Variants in FHDC1 observed in about 807,000 individuals in gnomAD.
FHDC1 encodes FH2 domain-containing protein 1.
Under a neutral mutation model 52.6 loss-of-function variants are expected in FHDC1, and 25 were observed. The observed-to-expected ratio is 0.48, with a 90% confidence interval of 0.35 to 0.66. The LOEUF (loss-of-function observed/expected upper bound fraction) is 0.66, where lower values mean the gene tolerates loss of function less well. FHDC1 is among the 30% of genes least tolerant of loss of function. The probability of loss-of-function intolerance (pLI) is 0.01; values close to 1 mark genes in which losing one functional copy is unlikely to be tolerated. For missense variants in FHDC1, 1,459 were observed against 1,452.8 expected, an observed-to-expected ratio of 1.00 and a Z score of -0.07; for synonymous variants, 616 against 581.5, an observed-to-expected ratio of 1.06 and a Z score of -0.85.
At chr4:152,938,686 C>G (rs1328058739) in intron 1 of FHDC1, among the ~76,000 whole-genome samples, 1 of 152,224 alleles carries the variant, frequency 6.6e-6, no homozygotes, top group East Asian at 1.9e-4. Flanking sequence ...CCAGCCCTTC[C>G]TGCCCCCACC....
At chr4:152,928,135 T>C in the FHDC1 span, 2 of 908,400 alleles carry the variant, frequency 2.2e-6, no homozygotes. Flanking sequence ...GCGCAGACAG[T>C]GAAGGCACCA....
intron 10 of FHDC1, among the ~76,000 whole-genome samples, chr4:152,968,529 A>G (rs1167326893): frequency 1.3e-5 from 2 of 152,148 alleles, no homozygotes; most frequent in Non-Finnish European, 1.5e-5. Flanking sequence ...CGGTTTTGCC[A>G]TGTTGGCCAG....
chr4:152,953,423 G>A (rs984196701), intron 2 of FHDC1, 76 bp from the exon 3 acceptor site: 9 of 1,169,076 alleles, frequency 7.7e-6, no homozygotes, highest in Admixed American at 3.9e-5. Context: ...CATTTTGATC[G>A]GTTTTAATTA....
Position 152,976,241 on chromosome 4 carries a change from C to G in FHDC1, c.2950C>G (p.Pro984Ala), listed in dbSNP as rs1428835750. ...GCAGCCCAGGGGTTCTTTCAAGAAGCCCAGTGCCAAACCACTCAGGAACCT... is the reference window on the plus strand; with the variant it reads ...GCAGCCCAGGGGTTCTTTCAAGAAGGCCAGTGCCAAACCACTCAGGAACCT... ...PLQPRGSFKK[P>A]SAKPLRNLPR... Residue 984 changes from proline to alanine, a missense_variant, in exon 12 of 12, where the codon CCC becomes GCC. Transcript: ENST00000511601. The G allele has an allele frequency of 6.2e-7, 1 of 1,613,208 alleles. No homozygotes were observed. The highest frequency in any genetic ancestry group is 8.5e-7 in the Non-Finnish European group (1 of 1,179,940).
At chr4:152,939,540 A>G (rs1490058919) in intron 1 of FHDC1, among the ~76,000 whole-genome samples, 1 of 152,120 alleles carries the variant, frequency 6.6e-6, no homozygotes, top group East Asian at 1.9e-4. Context: ...AAGACCCTTA[A>G]CGAACGTTCT....
At chr4:152,936,787 C>G (rs1739393277) in intron 1 of FHDC1, among the ~76,000 whole-genome samples, 1 of 152,264 alleles carries the variant, frequency 6.6e-6, no homozygotes, top group African/African-American at 2.4e-5. Context: ...CTAAGACTTT[C>G]AGATCAACCG....
rs1214832089 is a variant in FHDC1, at chr4:152,974,706, G to A, written c.1415G>A (p.Arg472Lys). Residue 472 changes from arginine (R) to lysine (K), a missense_variant, in exon 12 of 12, where the codon AGG becomes AAG. Arg to Lys is a conservative substitution (Grantham distance 26). Transcript: ENST00000511601. Reference protein sequence around the residue: ...DNHDREAQELRQLQRLKEQEQ... With the variant: ...DNHDREAQELKQLQRLKEQEQ... ...CACGACCGGGAGGCGCAGGAGCTGA[G>A]GCAGCTGCAGAGGCTGAAGGAGCAG... 7.3e-6 allele frequency: 11 copies of A among 1,512,056 alleles called. No homozygotes were observed. Among genetic ancestry groups the A allele is most frequent in the Non-Finnish European group, 8.8e-6 (10 of 1,130,412 alleles). 93.7% of individuals were successfully genotyped at this position (1,512,056 alleles called of 1,614,324 possible).
chr4:152,972,326 G>A (rs553923492), intron 10 of FHDC1, 51 bp from the exon 11 acceptor site: 26 of 1,533,690 alleles, frequency 1.7e-5, no homozygotes, highest in African/African-American at 2.8e-5. Context: ...GCCCAGCGCC[G>A]CCTCAGCTGA....
At chr4:152,935,246 C>G (rs1330807412), upstream of FHDC1, among the ~76,000 whole-genome samples, 1 of 152,110 alleles carries the variant, frequency 6.6e-6, no homozygotes, top group Admixed American at 6.5e-5. Flanking sequence ...AGTTCAGGGA[C>G]TGAGGACCAG....
At position 152,975,677 on chromosome 4, in the gene FHDC1, G is replaced by C; in HGVS notation, c.2386G>C (p.Gly796Arg). ...GGGAACCGACTCCAGACCCAGAGGC[G>C]GGGACCCGGAGGAAGGCGGGGAAGG... ...SEGTDSRPRG[G>R]DPEEGGEGDG... The change falls in exon 12 of 12, where the codon GGG becomes CGG. Residue 796 changes from glycine to arginine, a missense_variant. Physicochemically the swap from Gly to Arg is moderately radical, Grantham distance 125 (BLOSUM62 -2). Coordinates refer to ENST00000511601, the MANE Select transcript of FHDC1 (RefSeq NM_001371116.1). 1 of 1,612,896 alleles carries C rather than the reference G, an allele frequency of 6.2e-7. No homozygotes were observed. The highest frequency in any genetic ancestry group is 8.5e-7 in the Non-Finnish European group (1 of 1,179,530).
At position 152,954,178 on chromosome 4, in the gene FHDC1, G is replaced by GCAAA. The variant is rs528239760; in HGVS notation, c.561-37_561-34dup. On this transcript the variant is annotated intron_variant, in intron 3 of 11. Transcript: ENST00000511601. ...GGCTTGCACCTCTGTTGGCACTCCA[G>GCAAA]CAAACGTGAAATGGAATGTGATTCA... 816 of 1,565,678 alleles carry GCAAA rather than the reference G, an allele frequency of 5.2e-4. 5 individuals carry two copies. The African/African-American group carries it at 9.7e-3, about 19-fold the overall frequency.
chr4:152,931,948 A>T (rs1376870828), upstream of FHDC1, among the ~76,000 whole-genome samples: 1 of 61,332 alleles, frequency 1.6e-5, no homozygotes, highest in Admixed American at 2.4e-4. Flanking sequence ...AAAAAAAAAA[A>T]AAAAAAAAAA....
chr4:152,939,023 G>A lies in FHDC1; in HGVS notation c.-131+2614G>A, dbSNP rs1288831571. Among the ~76,000 whole-genome samples, 9 of 152,258 alleles carry A rather than the reference G, an allele frequency of 5.9e-5. No homozygotes were observed. The East Asian group carries it at 1.2e-3, about 20-fold the overall frequency. ...CCCCTTAAATACACTGTGAGATGAA[G>A]CCTATATACTCTTTTTTCTTGGCTC... On this transcript the variant is annotated intron_variant, in intron 1 of 11. Coordinates refer to ENST00000511601, the MANE Select transcript of FHDC1 (RefSeq NM_001371116.1).
chr4:152,913,414 T>C, the FHDC1 span, among the ~76,000 whole-genome samples: 8 of 152,234 alleles, frequency 5.3e-5, no homozygotes, highest in African/African-American at 9.6e-5. Flanking sequence ...ATCATGGAAC[T>C]GTTAATTGAA....
At position 152,976,075 on chromosome 4, in the gene FHDC1, C is replaced by T; in HGVS notation, c.2784C>T (p.Ser928=). The part of the protein sequence containing the change: ...RRPELSSRGP[S]QNPPSSTDTV... ...CAGAGCTGTCATCCCGGGGGCCCTCCCAGAATCCCCCCAGCAGCACAGATA... is the reference window on the plus strand; with the variant it reads ...CAGAGCTGTCATCCCGGGGGCCCTCTCAGAATCCCCCCAGCAGCACAGATA... Residue 928 remains serine, a synonymous_variant, in exon 12 of 12, where the codon TCC becomes TCT. Transcript: ENST00000511601. 1.2e-6 allele frequency: 2 copies of T among 1,603,024 alleles called. No homozygotes were observed. The highest frequency in any genetic ancestry group is 8.5e-7 in the Non-Finnish European group (1 of 1,175,330).
chr4:152,930,518 C>T, the FHDC1 span, among the ~76,000 whole-genome samples: 1 of 152,044 alleles, frequency 6.6e-6, no homozygotes, highest in Admixed American at 6.5e-5. Flanking sequence ...CCAAAAGACC[C>T]CCCTTCAATT....
Position 152,975,574 on chromosome 4 carries a change from C to A in FHDC1, c.2283C>A (p.Asp761Glu), listed in dbSNP as rs1740836001. 6.2e-7 allele frequency: 1 copy of A among 1,613,592 alleles called. No homozygotes were observed. Among genetic ancestry groups the A allele is most frequent in the African/African-American group, 1.3e-5 (1 of 75,052 alleles). Residue 761 changes from aspartate (D) to glutamate (E), a missense_variant, in exon 12 of 12, where the codon GAC becomes GAA. Transcript: ENST00000511601. Reference sequence around the variant, plus strand: ...CTTTGGGATCTGTGGGTAGCAGCGACCCTGAGAACAAAGATCCTAGACCTC... The same window carrying A: ...CTTTGGGATCTGTGGGTAGCAGCGAACCTGAGAACAAAGATCCTAGACCTC... ...SAALGSVGSS[D>E]PENKDPRPLF...
the FHDC1 span, chr4:152,927,838 A>G: frequency 2.1e-6 from 3 of 1,433,310 alleles, no homozygotes; most frequent in Non-Finnish European, 2.0e-6. Context: ...ACAAGAAGGA[A>G]GTGGAAAAGA....
intron 10 of FHDC1, among the ~76,000 whole-genome samples, chr4:152,969,171 C>T (rs761144374): frequency 3.3e-5 from 5 of 151,810 alleles, no homozygotes; most frequent in Admixed American, 6.6e-5. Flanking sequence ...TGTTTTGAGA[C>T]CTGTGAGGTG....
Sources: gnomAD v4.1 joint callset for allele counts (sites outside exome capture counted in the v4.1 genomes callset) on GRCh38, gnomAD v4.1.1 for gene constraint, MANE v1.5 for transcripts, NCBI Gene and HGNC (gene_info 2026-07-23, HGNC 2026-07-21) for gene names.